CDH18: variants seen among roughly 807,000 people sequenced by gnomAD.
CDH18 encodes the protein cadherin-18.
CDH18 carries 31 observed loss-of-function variants against 67.9 expected under a neutral mutation model. The observed-to-expected ratio is 0.46, with a 90% CI of 0.34 to 0.62. The LOEUF (loss-of-function observed/expected upper bound fraction) is 0.62. CDH18 is among the 20% of genes least tolerant of loss of function. The pLI, the probability that CDH18 is intolerant of heterozygous loss-of-function variation, is 0.01. For missense variants in CDH18, 890 were observed against 975.5 expected, an observed-to-expected ratio of 0.91 and a Z score of 1.17; for synonymous variants, 362 against 347.2, an observed-to-expected ratio of 1.04 and a Z score of -0.48.
chr5:20,249,382 C>CTTTTTTT (rs11395247), intron 2 of CDH18, among the ~76,000 whole-genome samples: 3 of 129,738 alleles, frequency 2.3e-5, no homozygotes, highest in Non-Finnish European at 4.7e-5. Flanking sequence ...TCCTTTAAAA[C>CTTTTTTT]TTTTTTTTTT....
chr5:19,753,237 G>T (rs1203864828), intron 3 of CDH18, among the ~76,000 whole-genome samples: 1 of 151,982 alleles, frequency 6.6e-6, no homozygotes, highest in African/African-American at 2.4e-5. Context: ...AATCATGGAG[G>T]CCCCAAATAA....
intron 3 of CDH18, among the ~76,000 whole-genome samples, chr5:19,747,950 A>T (rs1216302910): frequency 1.3e-5 from 2 of 150,626 alleles, no homozygotes; most frequent in Non-Finnish European, 3.0e-5. Flanking sequence ...CTACTAAAAA[A>T]GTACAAAAAA....
At position 20,340,697 on chromosome 5, in the gene CDH18, T is replaced by C. The variant is rs553202037; in HGVS notation, c.-579-85192A>G. ...ACCATCTAGGAGCCTCAGGTGATTCTGGAGGTTGAAGGGAGGAAGGTGAAC... is the reference window on the plus strand; with the variant it reads ...ACCATCTAGGAGCCTCAGGTGATTCCGGAGGTTGAAGGGAGGAAGGTGAAC... On this transcript the variant is annotated intron_variant, in intron 1 of 14. Coordinates refer to the CDH18 transcript ENST00000507958. Among the ~76,000 whole-genome samples, 24 of 152,294 alleles carry C rather than the reference T, an allele frequency of 1.6e-4. 1 individual carries two copies. The South Asian group carries it at 4.8e-3, about 30-fold the overall frequency.
intron 2 of CDH18, among the ~76,000 whole-genome samples, chr5:20,033,243 G>A (rs78248498): frequency 2.0e-5 from 3 of 151,124 alleles, no homozygotes; most frequent in Non-Finnish European, 2.9e-5. Flanking sequence ...AAATGCTGAC[G>A]TTAAGCTAAG....
chr5:19,685,557 T>C (rs1760968442), intron 5 of CDH18, among the ~76,000 whole-genome samples: 1 of 152,176 alleles, frequency 6.6e-6, no homozygotes, highest in Admixed American at 6.5e-5. Flanking sequence ...GTTGCCAGGA[T>C]TTTTTCCCCA....
At chr5:19,795,168 T>C (rs1176619170) in intron 3 of CDH18, among the ~76,000 whole-genome samples, 2 of 152,112 alleles carry the variant, frequency 1.3e-5, no homozygotes, top group Admixed American at 1.3e-4. Flanking sequence ...CCACCAAGAA[T>C]AAGCAGTCAG....
intron 2 of CDH18, among the ~76,000 whole-genome samples, chr5:19,864,340 G>C (rs2149993623): frequency 7.0e-6 from 1 of 143,138 alleles, no homozygotes; most frequent in East Asian, 2.2e-4. Context: ...AGAACACATG[G>C]ACACAGGAAG....
intron 6 of CDH18, among the ~76,000 whole-genome samples, chr5:19,602,976 AT>A (rs1207450061): frequency 1.3e-5 from 2 of 150,908 alleles, no homozygotes; most frequent in East Asian, 3.9e-4. Flanking sequence ...AAAAAAAAAA[AT>A]AAATAAATAA....
chr5:19,673,539 T>C (rs1177103610), intron 5 of CDH18, among the ~76,000 whole-genome samples: 1 of 152,070 alleles, frequency 6.6e-6, no homozygotes, highest in African/African-American at 2.4e-5. Flanking sequence ...GAAAGAATTA[T>C]AAATCATCAG....
chr5:20,037,747 A>G (rs1740014429), intron 2 of CDH18, among the ~76,000 whole-genome samples: 1 of 152,154 alleles, frequency 6.6e-6, no homozygotes. Context: ...AACAGGAGAA[A>G]GTGGGAAAGA....
At chr5:19,498,255 T>C (rs893819556) in intron 11 of CDH18, among the ~76,000 whole-genome samples, 12 of 152,130 alleles carry the variant, frequency 7.9e-5, no homozygotes, top group Non-Finnish European at 1.5e-5. Flanking sequence ...CCAAGGCTGA[T>C]TGGTATACAA....
At chr5:20,433,087 A>G (rs1748891613) in intron 1 of CDH18, among the ~76,000 whole-genome samples, 1 of 150,860 alleles carries the variant, frequency 6.6e-6, no homozygotes, top group South Asian at 2.1e-4. Flanking sequence ...GGATTAGCCG[A>G]GGTCAATAGG....
At chr5:19,875,446 C>T (rs142542260) in intron 2 of CDH18, among the ~76,000 whole-genome samples, 2 of 140,388 alleles carry the variant, frequency 1.4e-5, no homozygotes, top group African/African-American at 2.9e-5. Context: ...ATAGATCGAT[C>T]GATCTATAGA....
intron 1 of CDH18, among the ~76,000 whole-genome samples, chr5:20,542,537 C>T (rs931698921): frequency 2.0e-5 from 3 of 151,134 alleles, no homozygotes; most frequent in African/African-American, 7.3e-5. Flanking sequence ...GCTATATATG[C>T]ATATGGATAT....
At chr5:19,975,929 T>C (rs1231626876) in intron 2 of CDH18, among the ~76,000 whole-genome samples, 1 of 152,166 alleles carries the variant, frequency 6.6e-6, no homozygotes, top group African/African-American at 2.4e-5. Flanking sequence ...TCTTTAGCAC[T>C]GGACTGAAAA....
intron 2 of CDH18, among the ~76,000 whole-genome samples, chr5:20,073,707 C>T (rs75559694): frequency 6.7e-6 from 1 of 150,326 alleles, no homozygotes; most frequent in African/African-American, 2.5e-5. Context: ...GTATTTATTG[C>T]AAATAGATTA....
chr5:19,654,886 T>C (rs1054976134), intron 5 of CDH18, among the ~76,000 whole-genome samples: 3 of 152,148 alleles, frequency 2.0e-5, no homozygotes, highest in African/African-American at 7.2e-5. Flanking sequence ...AACCATCCCC[T>C]GCTGAATTAC....
intron 1 of CDH18, among the ~76,000 whole-genome samples, chr5:20,464,364 T>C (rs1053455162): frequency 3.3e-5 from 5 of 152,164 alleles, no homozygotes; most frequent in African/African-American, 4.8e-5. Flanking sequence ...TGTTAATGCA[T>C]GTGTGTGCAA....
Position 19,571,626 on chromosome 5 carries a change from A to G in CDH18, c.1206T>C (p.Val402=). Residue 402 remains valine, a synonymous_variant, in exon 8 of 13, where the codon GTT becomes GTC. Transcript: ENST00000382275. Reference sequence around the variant, plus strand: ...CAGGATCTTGTGCCAAAACTGTACCAACGACGGTCCCAATCTTGGCATTTT... The same window carrying G: ...CAGGATCTTGTGCCAAAACTGTACCGACGACGGTCCCAATCTTGGCATTTT... ...VYENAKIGTV[V]GTVLAQDPDS... The G allele has an allele frequency of 6.2e-7, 1 of 1,613,996 alleles. No homozygotes were observed. Among genetic ancestry groups the G allele is most frequent in the South Asian group, 1.1e-5 (1 of 91,072 alleles).
Sources: gnomAD v4.1 joint callset for allele counts (sites outside exome capture counted in the v4.1 genomes callset) on GRCh38, gnomAD v4.1.1 for gene constraint, MANE v1.5 for transcripts, NCBI Gene and HGNC (gene_info 2026-07-23, HGNC 2026-07-21) for gene names.